The following PHKA1 variants were observed in gnomAD, a reference collection of about 807,000 sequenced individuals.
PHKA1 encodes the protein phosphorylase kinase regulatory subunit alpha 1.
Under a neutral mutation model 110.2 loss-of-function variants are expected in PHKA1, and 60 were observed. That is an observed-to-expected ratio of 0.54 (90% CI 0.44 to 0.68). PHKA1 has a LOEUF of 0.68. PHKA1 is among the 30% of genes least tolerant of loss of function. The pLI, the probability that PHKA1 is intolerant of heterozygous loss-of-function variation, is 0.00. For synonymous variants in PHKA1, 316 were observed against 333.6 expected, an observed-to-expected ratio of 0.95 and a Z score of 0.58; for missense variants, 801 against 942.5, an observed-to-expected ratio of 0.85 and a Z score of 1.97.
intron 18 of PHKA1, among the ~76,000 whole-genome samples, chrX:72,621,144 G>C (rs2052973908): frequency 9.0e-6 from 1 of 111,307 alleles, no homozygotes; most frequent in African/African-American, 3.3e-5. Context: ...ACAAGGTCAG[G>C]GTTCTTGAAA....
At chrX:72,713,749 C>G in intron 1 of PHKA1, 54 bp downstream of exon 1, 1 of 979,035 alleles carries the variant, frequency 1.0e-6, no homozygotes, top group African/African-American at 1.9e-5. Flanking sequence ...TCCGTCCAAG[C>G]TATGACAAGC....
intron 3 of PHKA1, among the ~76,000 whole-genome samples, chrX:72,703,324 C>T (rs971344184): frequency 8.9e-5 from 10 of 111,927 alleles, no homozygotes; most frequent in Non-Finnish European, 1.3e-4. Flanking sequence ...TGACAGTAAC[C>T]GTTATACCTT....
chrX:72,702,938 C>T (rs1556330448), intron 3 of PHKA1, among the ~76,000 whole-genome samples: 1 of 111,779 alleles, frequency 8.9e-6, no homozygotes, highest in African/African-American at 3.2e-5. Context: ...CCATCTGTCT[C>T]TTACCTACCT....
rs1240964095 is a variant in PHKA1, at chrX:72,605,586, T to C, written c.2640A>G (p.Ile880Met). ...TCATATCCCCTTCACTGGCTTCATC[T>C]ATCAGCTGAGTGAGCGCCTCATAGG... is the stretch of plus-strand genomic sequence containing the variant. ...PLPYEALTQL[I>M]DEASEGDMSI... Residue 880 changes from isoleucine (I) to methionine (M), a missense_variant, in exon 24 of 32, where the codon ATA becomes ATG. Ile to Met is a conservative substitution (Grantham distance 10). Around this residue, in one of 2 missense-constraint regions of PHKA1, gnomAD observed 502 missense variants for 519.2 expected, o/e 0.97. Transcript: ENST00000373542. The C allele has an allele frequency of 8.3e-7, 1 of 1,209,320 alleles. No homozygotes were observed. The highest frequency in any genetic ancestry group is 3.0e-5 in the East Asian group (1 of 33,837).
chrX:72,619,958 A>G, intron 19 of PHKA1, among the ~76,000 whole-genome samples: 1 of 112,210 alleles, frequency 8.9e-6, no homozygotes, highest in Middle Eastern at 4.6e-3. Flanking sequence ...GAAGTATAAC[A>G]ATAAATTTCA....
At chrX:72,673,924 T>C (rs2053740307) in intron 6 of PHKA1, among the ~76,000 whole-genome samples, 1 of 107,173 alleles carries the variant, frequency 9.3e-6, no homozygotes, top group Non-Finnish European at 1.9e-5. Context: ...CATTTAACAT[T>C]AGGTATATCT....
chrX:72,642,274 C>T (rs939065032), intron 14 of PHKA1, among the ~76,000 whole-genome samples: 13 of 111,581 alleles, frequency 1.2e-4, no homozygotes, highest in African/African-American at 3.9e-4. Context: ...TGGCCCAGAG[C>T]TTAGAAGTTA....
At chrX:72,698,279 A>G (rs2054156662) in intron 3 of PHKA1, among the ~76,000 whole-genome samples, 1 of 111,915 alleles carries the variant, frequency 8.9e-6, no homozygotes, top group African/African-American at 3.3e-5. Flanking sequence ...CTGTTTCACT[A>G]CTAAACATAT....
intron 6 of PHKA1, among the ~76,000 whole-genome samples, chrX:72,673,391 T>C (rs1298835195): frequency 1.8e-5 from 2 of 112,070 alleles, no homozygotes; most frequent in South Asian, 3.7e-4. Context: ...GGGTACTATA[T>C]AGGAATTCTT....
intron 8 of PHKA1, chrX:72,660,611 T>C (rs2053548233): frequency 2.7e-6 from 1 of 365,351 alleles, no homozygotes; most frequent in Non-Finnish European, 5.2e-6. Flanking sequence ...TTCACTCTTT[T>C]ATACAAAAGA....
chrX:72,694,649 C>G (rs1347007906), intron 4 of PHKA1, among the ~76,000 whole-genome samples: 1 of 112,159 alleles, frequency 8.9e-6, no homozygotes, highest in African/African-American at 3.2e-5. Flanking sequence ...AAGTACCTAT[C>G]AAACTCTGCT....
At chrX:72,614,277 A>G (rs1372618943) in intron 21 of PHKA1, among the ~76,000 whole-genome samples, 1 of 107,770 alleles carries the variant, frequency 9.3e-6, no homozygotes, top group African/African-American at 3.3e-5. Flanking sequence ...AGATGATGAC[A>G]TCAACGTGAA....
intron 16 of PHKA1, among the ~76,000 whole-genome samples, chrX:72,633,693 C>G (rs951034093): frequency 1.8e-5 from 2 of 111,400 alleles, no homozygotes; most frequent in Non-Finnish European, 3.8e-5. Context: ...TCAGTCTCTC[C>G]TCACTACAAT....
At chrX:72,694,846 TTAGAAA>T (rs1412798023) in intron 4 of PHKA1, among the ~76,000 whole-genome samples, 6 of 111,724 alleles carry the variant, frequency 5.4e-5, no homozygotes, top group African/African-American at 1.9e-4. Flanking sequence ...TAAAGTATTA[TTAGAAA>T]TAGAGTTATA....
intron 18 of PHKA1, 107 bp downstream of exon 18, chrX:72,623,002 G>A: frequency 8.5e-7 from 1 of 1,180,915 alleles, no homozygotes; most frequent in South Asian, 2.0e-5. Flanking sequence ...TCTAGAGTGA[G>A]GATAGAACAC....
chrX:72,681,318 C>T (rs1396333311), intron 5 of PHKA1, among the ~76,000 whole-genome samples: 1 of 109,659 alleles, frequency 9.1e-6, no homozygotes, highest in Admixed American at 9.5e-5. Context: ...GTGAGGAGCC[C>T]CTCCGCCCGG....
At chrX:72,622,373 C>T in intron 18 of PHKA1, 1 of 753,776 alleles carries the variant, frequency 1.3e-6, no homozygotes. Context: ...AGTCAAATAC[C>T]CAGACAATGA....
Position 72,605,565 on chromosome X carries a change from A to T in PHKA1, c.2661T>A (p.Asp887Glu). 8.3e-7 allele frequency: 1 copy of T among 1,205,785 alleles called. No individual in the cohort carries two copies. Among genetic ancestry groups the T allele is most frequent in the Non-Finnish European group, 1.1e-6 (1 of 889,957 alleles). The part of the protein sequence containing the change: ...TQLIDEASEG[D>E]MSISILTQEI... ...CCTGTGTAAGGATTGAAATGCTCAT[A>T]TCCCCTTCACTGGCTTCATCTATCA... is the stretch of plus-strand genomic sequence containing the variant. The change falls in exon 24 of 32, where the codon GAT becomes GAA. Residue 887 changes from aspartate (D) to glutamate (E), a missense_variant. Asp to Glu is a conservative substitution (Grantham distance 45, BLOSUM62 2). Transcript: ENST00000373542.
intron 17 of PHKA1, among the ~76,000 whole-genome samples, chrX:72,625,525 A>G (rs1394850643): frequency 9.0e-6 from 1 of 111,662 alleles, no homozygotes; most frequent in Middle Eastern, 4.2e-3. Context: ...GTGGGCATCT[A>G]GGTTGATGCC....
Sources: allele counts gnomAD v4.1 joint callset (sites outside exome capture counted in the v4.1 genomes callset), GRCh38; gene constraint gnomAD v4.1.1; regional missense constraint gnomAD v4.1.1; transcripts MANE v1.5; gene names NCBI Gene and HGNC (gene_info 2026-07-23, HGNC 2026-07-21).